FSTL5: variants seen among roughly 807,000 people sequenced by gnomAD.
FSTL5 encodes the protein follistatin-related protein 5.
FSTL5 carries 62 observed loss-of-function variants against 89.1 expected under a neutral mutation model. The observed-to-expected ratio is 0.70, with a 90% CI of 0.57 to 0.86. The LOEUF (loss-of-function observed/expected upper bound fraction) is 0.86. FSTL5 is among the 40% of genes least tolerant of loss of function. FSTL5 has a pLI of 0.00. For missense variants in FSTL5, 1,057 were observed against 1,001.6 expected, an observed-to-expected ratio of 1.06 and a Z score of -0.75; for synonymous variants, 383 against 346.2, an observed-to-expected ratio of 1.11 and a Z score of -1.18.
chr4:162,057,440 A>G (rs1328574679), intron 2 of FSTL5, among the ~76,000 whole-genome samples: 1 of 152,190 alleles, frequency 6.6e-6, no homozygotes, highest in Non-Finnish European at 1.5e-5. Flanking sequence ...ATTTTAACAG[A>G]TTTAAGAATT....
chr4:161,872,140 G>GTTTTTTTTTTTTTTTTTTT lies in FSTL5; in HGVS notation c.409+48263_409+48264insAAAAAAAAAAAAAAAAAAA, dbSNP rs1491313878. Among the ~76,000 whole-genome samples the GTTTTTTTTTTTTTTTTTTT allele has an allele frequency of 9.2e-4, 62 of 67,486 alleles. 1 individual carries two copies. Among genetic ancestry groups the GTTTTTTTTTTTTTTTTTTT allele is most frequent in the Admixed American group, 1.4e-3 (8 of 5,754 alleles). 44.3% of individuals were successfully genotyped at this position (67,486 alleles called of 152,430 possible). A position where few individuals can be genotyped will look rare whatever the true frequency, so the allele number is the denominator to read the frequency against. On this transcript the variant is annotated intron_variant, in intron 4 of 15. Transcript: ENST00000306100. ...GGCTTTGTAGTTTGTTTTTTTTTTT[G>GTTTTTTTTTTTTTTTTTTT]GTTTTTTTTTTTTTTTTTGTAGAGA...
intron 7 of FSTL5, among the ~76,000 whole-genome samples, chr4:161,628,684 A>G (rs764844818): frequency 7.9e-5 from 12 of 152,184 alleles, no homozygotes; most frequent in Non-Finnish European, 1.6e-4. Context: ...ATGCATCTCA[A>G]TCTGAAACCT....
At chr4:161,826,021 G>A (rs1004546313) in intron 4 of FSTL5, among the ~76,000 whole-genome samples, 2 of 152,028 alleles carry the variant, frequency 1.3e-5, no homozygotes, top group African/African-American at 4.8e-5. Flanking sequence ...ATTTAAAGCT[G>A]TGAACTTTCC....
intron 2 of FSTL5, among the ~76,000 whole-genome samples, chr4:162,093,712 T>G (rs1186158011): frequency 2.0e-5 from 3 of 152,180 alleles, no homozygotes; most frequent in Non-Finnish European, 4.4e-5. Context: ...GAGGGGAATG[T>G]CATTAAGAAA....
intron 15 of FSTL5, among the ~76,000 whole-genome samples, chr4:161,434,168 G>A (rs1047882997): frequency 6.6e-6 from 1 of 152,076 alleles, no homozygotes; most frequent in East Asian, 1.9e-4. Context: ...CAGTGCTGTA[G>A]TAACCAAAAC....
chr4:161,847,588 C>A (rs1731409441), intron 4 of FSTL5, among the ~76,000 whole-genome samples: 1 of 152,112 alleles, frequency 6.6e-6, no homozygotes, highest in Non-Finnish European at 1.5e-5. Context: ...GGCAAGTTTC[C>A]AGTTTTTTGT....
intron 7 of FSTL5, among the ~76,000 whole-genome samples, chr4:161,611,287 G>T (rs1734640648): frequency 1.5e-5 from 2 of 137,014 alleles, no homozygotes; most frequent in Admixed American, 7.8e-5. Context: ...TGAATCAGTA[G>T]ATTATGTCAT....
intron 2 of FSTL5, among the ~76,000 whole-genome samples, chr4:162,073,470 C>T (rs1400473263): frequency 6.6e-6 from 1 of 151,658 alleles, no homozygotes. Context: ...TAAAATATCA[C>T]ATATTTTGTG....
At chr4:161,888,171 T>TC (rs1308438857) in intron 4 of FSTL5, among the ~76,000 whole-genome samples, 1 of 152,196 alleles carries the variant, frequency 6.6e-6, no homozygotes, top group Non-Finnish European at 1.5e-5. Context: ...AGACTGCATT[T>TC]CCCAGCCTCC....
intron 15 of FSTL5, among the ~76,000 whole-genome samples, chr4:161,409,696 T>C (rs1172019194): frequency 6.6e-6 from 1 of 152,172 alleles, no homozygotes; most frequent in Non-Finnish European, 1.5e-5. Context: ...ATGTTTTAAC[T>C]AGACCATCTT....
At chr4:161,777,984 C>G (rs931059967) in intron 4 of FSTL5, among the ~76,000 whole-genome samples, 4 of 152,050 alleles carry the variant, frequency 2.6e-5, no homozygotes, top group African/African-American at 9.7e-5. Context: ...AACCCAGCTA[C>G]TCGGGAGGCT....
intron 7 of FSTL5, among the ~76,000 whole-genome samples, chr4:161,599,838 T>C (rs973152406): frequency 1.3e-5 from 2 of 152,124 alleles, no homozygotes; most frequent in Non-Finnish European, 2.9e-5. Context: ...ATTTGTATTC[T>C]TTCTCCAAAA....
At chr4:161,794,522 A>G (rs1729571720) in intron 4 of FSTL5, among the ~76,000 whole-genome samples, 1 of 152,186 alleles carries the variant, frequency 6.6e-6, no homozygotes, top group South Asian at 2.1e-4. Context: ...GCTTTTATCA[A>G]TGAATTGCCT....
At chr4:161,590,129 A>G (rs952426116) in intron 7 of FSTL5, among the ~76,000 whole-genome samples, 3 of 152,204 alleles carry the variant, frequency 2.0e-5, no homozygotes, top group Non-Finnish European at 2.9e-5. Context: ...TTGCTGCTCA[A>G]AAGACATCAA....
At chr4:162,059,916 T>C (rs1469656214) in intron 2 of FSTL5, among the ~76,000 whole-genome samples, 3 of 152,242 alleles carry the variant, frequency 2.0e-5, no homozygotes, top group Admixed American at 1.3e-4. Flanking sequence ...TCTCAAATGT[T>C]AGTGTGCATA....
In FSTL5 at chr4:161,660,737, T is replaced by G. The variant is rs867266411; in HGVS notation, c.728-4243A>C. ...AGAATATGTGGTATTTGGTCTTCTG[T>G]TCCTGCATTAATTCGCTAAGGATTA... On this transcript the variant is annotated intron_variant, in intron 6 of 15. Transcript: ENST00000306100. 2.0e-5 allele frequency among the ~76,000 whole-genome samples: 3 copies of G among 152,280 alleles called. No individual in the cohort carries two copies. In the Middle Eastern group the frequency reaches 0.01, roughly 518 times the overall value.
At chr4:161,853,397 A>G (rs533296822) in intron 4 of FSTL5, among the ~76,000 whole-genome samples, 2 of 151,856 alleles carry the variant, frequency 1.3e-5, no homozygotes, top group East Asian at 3.9e-4. Flanking sequence ...TCTCCTGAGT[A>G]GCTAGGATTA....
At chr4:161,746,278 ATCT>A in intron 6 of FSTL5, among the ~76,000 whole-genome samples, 1 of 152,300 alleles carries the variant, frequency 6.6e-6, no homozygotes, top group South Asian at 2.1e-4. Flanking sequence ...TATTCTAAGA[ATCT>A]TTTCTAGAAA....
At chr4:161,866,833 T>C (rs1161332102) in intron 4 of FSTL5, among the ~76,000 whole-genome samples, 3 of 151,948 alleles carry the variant, frequency 2.0e-5, no homozygotes, top group Non-Finnish European at 2.9e-5. Context: ...ATGAACCCAT[T>C]TGGAACTACA....
Sources: allele counts gnomAD v4.1 joint callset (sites outside exome capture counted in the v4.1 genomes callset), GRCh38; gene constraint gnomAD v4.1.1; transcripts MANE v1.5; gene names NCBI Gene and HGNC (gene_info 2026-07-23, HGNC 2026-07-21).